PGM5: variants seen among roughly 807,000 people sequenced by gnomAD.
PGM5 encodes the protein phosphoglucomutase-like protein 5.
Under a neutral mutation model 59.2 loss-of-function variants are expected in PGM5, and 23 were observed. That is an observed-to-expected ratio of 0.39 (90% CI 0.28 to 0.55). The LOEUF is 0.55. PGM5 is among the 20% of genes least tolerant of loss of function. The pLI is 0.66. For synonymous variants in PGM5, 214 were observed against 286.0 expected, an observed-to-expected ratio of 0.75 and a Z score of 2.54; for missense variants, 574 against 748.3, an observed-to-expected ratio of 0.77 and a Z score of 2.72.
intron 1 of PGM5, among the ~76,000 whole-genome samples, chr9:68,372,172 G>A (rs1325400184): frequency 6.6e-6 from 1 of 151,904 alleles, no homozygotes; most frequent in Non-Finnish European, 1.5e-5. Context: ...CATATTTGGT[G>A]GTTTAAAATC....
intron 1 of PGM5, among the ~76,000 whole-genome samples, chr9:68,361,668 C>T (rs1360071732): frequency 1.3e-5 from 2 of 152,148 alleles, no homozygotes; most frequent in African/African-American, 4.8e-5. Flanking sequence ...TTTATAAGGG[C>T]ACTAATTCCA....
chr9:68,380,016 A>C (rs1381779614), intron 2 of PGM5, among the ~76,000 whole-genome samples: 1 of 152,002 alleles, frequency 6.6e-6, no homozygotes, highest in Non-Finnish European at 1.5e-5. Flanking sequence ...AGGGGACTTC[A>C]GTACTCCACT....
intron 1 of PGM5, among the ~76,000 whole-genome samples, chr9:68,370,019 G>C: frequency 6.6e-6 from 1 of 151,932 alleles, no homozygotes; most frequent in East Asian, 1.9e-4. Context: ...CTTGGCTTTG[G>C]GGTTCCTTCC....
chr9:68,496,778 AC>A (rs1554688182), intron 9 of PGM5: 2 of 152,348 alleles, frequency 1.3e-5, no homozygotes, highest in East Asian at 1.9e-4. Context: ...ATTTCCCCTC[AC>A]TGGCCAAAAA....
intron 2 of PGM5, among the ~76,000 whole-genome samples, chr9:68,379,900 A>T (rs1822023415): frequency 6.6e-6 from 1 of 151,988 alleles, no homozygotes; most frequent in Admixed American, 6.6e-5. Flanking sequence ...TATCAAGAGG[A>T]CATAACAATT....
At chr9:68,359,353 A>G (rs1834532799) in intron 1 of PGM5, among the ~76,000 whole-genome samples, 1 of 152,362 alleles carries the variant, frequency 6.6e-6, no homozygotes, top group African/African-American at 2.4e-5. Context: ...ACATAGAAGC[A>G]TCGACTCTTA....
intron 10 of PGM5, among the ~76,000 whole-genome samples, chr9:68,513,228 C>T (rs2131355): frequency 0.55 from 83,156 of 152,096 alleles, 23,467 homozygotes; most frequent in Admixed American, 0.64. Flanking sequence ...TATCAAATCT[C>T]TCTGGAAATC....
chr9:68,372,508 C>G (rs781874926), intron 1 of PGM5, among the ~76,000 whole-genome samples: 1 of 152,142 alleles, frequency 6.6e-6, no homozygotes, highest in Middle Eastern at 3.4e-3. Context: ...AGTGTTGGCC[C>G]CTGCTGCTGG....
At chr9:68,366,375 A>G (rs1834678654) in intron 1 of PGM5, among the ~76,000 whole-genome samples, 4 of 152,388 alleles carry the variant, frequency 2.6e-5, no homozygotes, top group African/African-American at 9.6e-5. Flanking sequence ...ATATAAATTT[A>G]TATGTAGTAT....
In PGM5 at chr9:68,474,880, T is replaced by C. The variant is rs1469874678; in HGVS notation, c.1160-4538T>C. Among the ~76,000 whole-genome samples the C allele has an allele frequency of 7.3e-5, 11 of 150,032 alleles. No individual in the cohort carries two copies. In the Admixed American group the frequency reaches 7.4e-4, roughly 10 times the overall value. On this transcript the variant is annotated intron_variant, in intron 7 of 10. Transcript: ENST00000396396. Reference sequence around the variant, plus strand: ...GCCATAAAAAGACATGAAGGAACCATAAATGCATATTATTAAGCAAAAGAA... The same window carrying C: ...GCCATAAAAAGACATGAAGGAACCACAAATGCATATTATTAAGCAAAAGAA...
intron 1 of PGM5, among the ~76,000 whole-genome samples, chr9:68,358,410 T>A (rs1238038166): frequency 3.3e-5 from 5 of 152,094 alleles, no homozygotes; most frequent in Non-Finnish European, 7.4e-5. Flanking sequence ...TCCAGCAGCA[T>A]CTCAAGGACA....
In PGM5 at chr9:68,530,686, T is replaced by C. The variant is rs936471932; in HGVS notation, c.*1030T>C. The C allele has an allele frequency of 2.0e-5, 3 of 152,196 alleles. No homozygotes were observed. The highest frequency in any genetic ancestry group is 4.8e-5 in the African/African-American group (2 of 41,412). The allele number at this position is 152,196 out of a possible 1,614,324, so 9.4% of individuals were successfully genotyped here. The stretch of plus-strand genomic sequence containing the variant: ...GAAAATGTAATTGGTGGTACAGCTA[T>C]GGGCCAGATGGTGGAGGGGAGGGTG... On this transcript the variant is annotated 3_prime_UTR_variant, in exon 11 of 11. Transcript: ENST00000396396.
intron 2 of PGM5, among the ~76,000 whole-genome samples, chr9:68,379,184 ATAT>A (rs1273606495): frequency 6.6e-6 from 1 of 152,168 alleles, no homozygotes; most frequent in Admixed American, 6.5e-5. Context: ...AATCCCCAAA[ATAT>A]TATTATTTAT....
At chr9:68,368,763 T>C (rs3929782) in intron 1 of PGM5, among the ~76,000 whole-genome samples, 240 of 119,030 alleles carry the variant, frequency 2.0e-3, no homozygotes, top group African/African-American at 3.6e-3. Context: ...CCACCTCAGC[T>C]TCCCAAGAAG....
intron 6 of PGM5, chr9:68,464,436 A>C (rs782814907): frequency 2.0e-5 from 3 of 152,206 alleles, no homozygotes; most frequent in Non-Finnish European, 4.4e-5. Flanking sequence ...GTTGTGCAAA[A>C]TTTGGGCAAG....
chr9:68,431,160 C>T (rs1823339976), intron 6 of PGM5, among the ~76,000 whole-genome samples: 1 of 152,214 alleles, frequency 6.6e-6, no homozygotes, highest in South Asian at 2.1e-4. Context: ...AGATCCTAGC[C>T]ACATCGTCTA....
At chr9:68,482,556 G>C (rs1421083792) in intron 8 of PGM5, among the ~76,000 whole-genome samples, 1 of 152,194 alleles carries the variant, frequency 6.6e-6, no homozygotes, top group East Asian at 1.9e-4. Context: ...AAGATCTTGA[G>C]TGGAAAAAAG....
chr9:68,410,096 C>T (rs1358307313), intron 6 of PGM5, among the ~76,000 whole-genome samples: 1 of 152,196 alleles, frequency 6.6e-6, no homozygotes, highest in African/African-American at 2.4e-5. Flanking sequence ...GGGTTCCAGG[C>T]AGTGGGAGCT....
chr9:68,487,525 T>C (rs1195525023), intron 9 of PGM5, among the ~76,000 whole-genome samples: 2 of 149,190 alleles, frequency 1.3e-5, no homozygotes, highest in Admixed American at 6.7e-5. Flanking sequence ...TTAAAAGTAA[T>C]AATCAGTGTG....
Sources: gnomAD v4.1 joint callset for allele counts (sites outside exome capture counted in the v4.1 genomes callset) on GRCh38, gnomAD v4.1.1 for gene constraint, MANE v1.5 for transcripts, NCBI Gene and HGNC (gene_info 2026-07-23, HGNC 2026-07-21) for gene names.